The following POLE2 variants were observed in gnomAD, a reference collection of about 807,000 sequenced individuals.
The protein encoded by POLE2 is DNA polymerase epsilon subunit 2.
A neutral mutation model predicts 79.4 loss-of-function variants in POLE2; 56 were observed. The ratio of observed to expected loss-of-function variants is 0.71; its 90% CI spans 0.57 to 0.88. The LOEUF (loss-of-function observed/expected upper bound fraction) is 0.88. Ranked by LOEUF, POLE2 falls within the 40% of genes least tolerant of loss-of-function variation. The pLI is 0.00. For synonymous variants in POLE2, 212 were observed against 214.0 expected (o/e 0.99, Z 0.08); for missense variants, 598 against 638.9 (o/e 0.94, Z 0.69).
At position 49,654,858 on chromosome 14, in the gene POLE2, T is replaced by C. The variant is rs1884534211; in HGVS notation, c.1019-20A>G. The C allele has an allele frequency of 6.7e-7, 1 of 1,486,400 alleles. No individual in the cohort carries two copies. Among genetic ancestry groups the C allele is most frequent in the Non-Finnish European group, 8.9e-7 (1 of 1,120,766 alleles). The allele number at this position is 1,486,400 out of a possible 1,614,324, so 92.1% of individuals were successfully genotyped here. ...GGGAATCTAAAATTTTAAAAAGGTA[T>C]TGAATTAAATTTGCATATAATGCCA... On this transcript the variant is annotated intron_variant, in intron 12 of 18. Transcript: ENST00000216367.
At chr14:49,664,550 T>G (rs1885338045) in intron 9 of POLE2, 76 bp downstream of exon 9, 1 of 922,866 alleles carries the variant, frequency 1.1e-6, no homozygotes, top group African/African-American at 1.6e-5. Flanking sequence ...TTATATCATG[T>G]TAACATATTT....
chr14:49,651,318 C>T lies in POLE2; in HGVS notation c.1271G>A (p.Cys424Tyr). 1 of 1,606,038 alleles carries T rather than the reference C, an allele frequency of 6.2e-7. No individual in the cohort carries two copies. Among genetic ancestry groups the T allele is most frequent in the Non-Finnish European group, 8.5e-7 (1 of 1,173,390 alleles). ...VFREDLVNKM[C>Y]RNCVRFPSSN... Reference sequence around the variant, plus strand: ...GCTAGGAAAACGGACGCAGTTTCTGCACATTTTATTTACTAAGTCTTCACG... The same window carrying T: ...GCTAGGAAAACGGACGCAGTTTCTGTACATTTTATTTACTAAGTCTTCACG... Residue 424 changes from cysteine (C) to tyrosine (Y), a missense_variant, in exon 16 of 19, where the codon TGC (cysteine) becomes TAC (tyrosine). By Grantham distance (194) the Cys-to-Tyr change is radical. Coordinates refer to ENST00000216367, the MANE Select transcript of POLE2 (RefSeq NM_002692.4).
intron 10 of POLE2, among the ~76,000 whole-genome samples, chr14:49,658,971 AG>A (rs1200786815): frequency 5.3e-5 from 8 of 152,226 alleles, no homozygotes; most frequent in African/African-American, 1.7e-4. Flanking sequence ...TTGTTACTAC[AG>A]ATGGCAGCTC....
chr14:49,686,131 T>G (rs2139702737), intron 1 of POLE2, among the ~76,000 whole-genome samples: 1 of 152,338 alleles, frequency 6.6e-6, no homozygotes, highest in South Asian at 2.1e-4. Context: ...AATAATCCAT[T>G]ACTCCTGGTA....
At chr14:49,667,828 G>A (rs1450470203) in intron 6 of POLE2, among the ~76,000 whole-genome samples, 2 of 151,722 alleles carry the variant, frequency 1.3e-5, no homozygotes, top group African/African-American at 2.4e-5. Flanking sequence ...TTATCTTTAC[G>A]TTTTATCTTT....
At chr14:49,683,821 T>C (rs543089245) in intron 1 of POLE2, 128 bp from the exon 2 acceptor site, 39 of 559,130 alleles carry the variant, frequency 7.0e-5, no homozygotes, top group African/African-American at 6.3e-4. Context: ...TCTCTTCAAG[T>C]AGCACTTTAT....
At chr14:49,662,280 C>T (rs1190700802) in intron 10 of POLE2, among the ~76,000 whole-genome samples, 4 of 152,242 alleles carry the variant, frequency 2.6e-5, no homozygotes. Context: ...TGAATTTATA[C>T]AGGCATACTA....
chr14:49,687,683 A>G (rs1278387251), intron 1 of POLE2, among the ~76,000 whole-genome samples: 1 of 152,158 alleles, frequency 6.6e-6, no homozygotes, highest in East Asian at 1.9e-4. Flanking sequence ...AAGGCACGGC[A>G]GCCTCAAGAT....
chr14:49,650,571 G>C lies in POLE2; in HGVS notation c.1321-130C>G, dbSNP rs1884146464. On this transcript the variant is annotated intron_variant, in intron 16 of 18. Transcript: ENST00000216367. ...AAATTTGAGAAACTAGGAAAGCTTT[G>C]ACTCACAGAGCTTTGGGAGACACTA... 8 of 501,906 alleles carry C rather than the reference G, an allele frequency of 1.6e-5. No individual in the cohort carries two copies. In the South Asian group the frequency reaches 1.7e-4, roughly 11 times the overall value. 31.1% of individuals were successfully genotyped at this position (501,906 alleles called of 1,614,324 possible). A position where few individuals can be genotyped will look rare whatever the true frequency, so the allele number is the denominator to read the frequency against.
chr14:49,683,839 G>C (rs556670294), intron 1 of POLE2, 146 bp from the exon 2 acceptor site: 1 of 544,352 alleles, frequency 1.8e-6, no homozygotes, highest in South Asian at 2.8e-5. Context: ...TATCTTTCCT[G>C]TGCTTTCTGA....
At position 49,679,742 on chromosome 14, in the gene POLE2, C is replaced by G. The variant is rs774235760; in HGVS notation, c.228G>C (p.Gln76His). Residue 76 changes from glutamine to histidine, a missense_variant, in exon 3 of 19, where the codon CAG (glutamine) becomes CAC (histidine). Physicochemically the swap from Gln to His is conservative, Grantham distance 24. Coordinates refer to ENST00000216367, the MANE Select transcript of POLE2 (RefSeq NM_002692.4). ...CCACATACATAGTTTCATCAACAGA[C>G]TGACTGCATTCCTGGACTGCTGCTT... ...VVEAAVQECS[Q>H]SVDETIEHVF... is the part of the protein sequence containing the mutation. 1 of 1,596,564 alleles carries G rather than the reference C, an allele frequency of 6.3e-7. No individual in the cohort carries two copies. Among genetic ancestry groups the G allele is most frequent in the Admixed American group, 1.7e-5 (1 of 59,928 alleles).
intron 18 of POLE2, among the ~76,000 whole-genome samples, chr14:49,646,302 G>GTTTTTTTTGTTTTTTTTTTTTTTTTTT (rs1883758731): frequency 2.4e-5 from 2 of 84,554 alleles, no homozygotes; most frequent in African/African-American, 5.9e-5. Context: ...TTTTTTGTTG[G>GTTTTTTTTGTTTTTTTTTTTTTTTTTT]TTTTTTTTTT....
intron 13 of POLE2, 151 bp from the exon 14 acceptor site, chr14:49,654,365 C>T: frequency 1.6e-6 from 1 of 632,424 alleles, no homozygotes; most frequent in Non-Finnish European, 2.8e-6. Context: ...AGTCTCCAGA[C>T]CAACACTGTC....
chr14:49,652,287 A>G (rs1884321003), intron 15 of POLE2, among the ~76,000 whole-genome samples: 2 of 9,658 alleles, frequency 2.1e-4, no homozygotes, highest in East Asian at 8.2e-4. Context: ...AAAAAAAAAA[A>G]AAAAAAAAAA....
In POLE2 at chr14:49,643,646, A is replaced by G; in HGVS notation, c.*6T>C. Reference sequence around the variant, plus strand: ...ATGAATTTTCTTCAGATGATCTTTAAGAATCTCAAAAGCCTTGAAGTTTGC... The same window carrying G: ...ATGAATTTTCTTCAGATGATCTTTAGGAATCTCAAAAGCCTTGAAGTTTGC... On this transcript the variant is annotated 3_prime_UTR_variant, in exon 19 of 19. Transcript: ENST00000216367. 1 of 1,401,886 alleles carries G rather than the reference A, an allele frequency of 7.1e-7. No individual in the cohort carries two copies. The highest frequency in any genetic ancestry group is 9.9e-7 in the Non-Finnish European group (1 of 1,006,184). The allele number at this position is 1,401,886 out of a possible 1,614,324, so 86.8% of individuals were successfully genotyped here.
chr14:49,661,538 C>T (rs948769628), intron 10 of POLE2, among the ~76,000 whole-genome samples: 6 of 152,144 alleles, frequency 3.9e-5, no homozygotes, highest in African/African-American at 1.4e-4. Context: ...AAGCCTTACT[C>T]ACATCTTCCG....
chr14:49,661,128 C>T (rs1885071192), intron 10 of POLE2, among the ~76,000 whole-genome samples: 1 of 152,058 alleles, frequency 6.6e-6, no homozygotes, highest in Admixed American at 6.6e-5. Context: ...ACCATGTTGC[C>T]CAGGCTAGTT....
chr14:49,674,710 GC>G (rs1482891388), intron 3 of POLE2, among the ~76,000 whole-genome samples: 1 of 152,052 alleles, frequency 6.6e-6, no homozygotes, highest in Non-Finnish European at 1.5e-5. Context: ...GGGATCACAG[GC>G]ATGCACCACC....
At chr14:49,673,514 A>C (rs563372478) in intron 5 of POLE2, among the ~76,000 whole-genome samples, 8 of 152,212 alleles carry the variant, frequency 5.3e-5, no homozygotes, top group Non-Finnish European at 8.8e-5. Flanking sequence ...AGATTAAGGC[A>C]ATCTAGGTCC....
Sources: allele counts gnomAD v4.1 joint callset (sites outside exome capture counted in the v4.1 genomes callset), GRCh38; gene constraint gnomAD v4.1.1; transcripts MANE v1.5; gene names NCBI Gene and HGNC (gene_info 2026-07-23, HGNC 2026-07-21).